Variants in ATP8A2 observed in about 807,000 individuals in gnomAD.
ATP8A2 encodes the protein phospholipid-transporting ATPase IB.
Under a neutral mutation model 165.6 loss-of-function variants are expected in ATP8A2, and 100 were observed. The ratio of observed to expected loss-of-function variants is 0.60; its 90% CI spans 0.51 to 0.71. ATP8A2 has a LOEUF of 0.71. ATP8A2 is among the 30% of genes least tolerant of loss of function. The pLI, the probability that ATP8A2 is intolerant of heterozygous loss-of-function variation, is 0.00. For missense variants in ATP8A2, 1,227 were observed against 1,479.5 expected, an observed-to-expected ratio of 0.83 and a Z score of 2.80; for synonymous variants, 543 against 548.8, an observed-to-expected ratio of 0.99 and a Z score of 0.15.
chr13:25,502,073 T>TAA (rs1386725312), intron 2 of ATP8A2, among the ~76,000 whole-genome samples: 1 of 152,254 alleles, frequency 6.6e-6, no homozygotes, highest in Non-Finnish European at 1.5e-5. Flanking sequence ...CTTCACTTCC[T>TAA]AACTCTGTTA....
At chr13:25,419,374 C>T (rs1350023287) in intron 1 of ATP8A2, among the ~76,000 whole-genome samples, 2 of 152,108 alleles carry the variant, frequency 1.3e-5, no homozygotes, top group Non-Finnish European at 2.9e-5. Context: ...GGCTGAGGCC[C>T]CCATCTGTTA....
intron 24 of ATP8A2, among the ~76,000 whole-genome samples, chr13:25,601,751 T>A (rs1232141241): frequency 2.0e-5 from 3 of 152,352 alleles, no homozygotes; most frequent in Middle Eastern, 3.4e-3. Flanking sequence ...ATTACAGGCG[T>A]GAGCCACTGC....
intron 24 of ATP8A2, among the ~76,000 whole-genome samples, chr13:25,693,489 T>C (rs533268587): frequency 6.6e-6 from 1 of 152,170 alleles, no homozygotes; most frequent in East Asian, 1.9e-4. Context: ...AGGAAGAGGA[T>C]TTCAATCCCA....
chr13:25,430,168 TGGGCTCGG>T (rs1358131495), intron 1 of ATP8A2, among the ~76,000 whole-genome samples: 1 of 152,094 alleles, frequency 6.6e-6, no homozygotes, highest in Non-Finnish European at 1.5e-5. Flanking sequence ...GCTATAAATG[TGGGCTCGG>T]GTCCATGAGA....
rs2039083697 is a variant in ATP8A2 at position 25,559,680 on chromosome 13, TCA to T, written c.1353-38_1353-37del. On this transcript the variant is annotated intron_variant, in intron 14 of 36. Transcript: ENST00000381655. ...TTTGATCAGAATGTCTGTCTTTTGA[TCA>T]CAGTTTTGTGACCACTCTGTTTTCC... The T allele has an allele frequency of 3.3e-6, 5 of 1,532,724 alleles. No homozygotes were observed. The East Asian group carries it at 9.0e-5, about 28-fold the overall frequency. 94.9% of individuals were successfully genotyped at this position (1,532,724 alleles called of 1,614,324 possible). A position where few individuals can be genotyped will look rare whatever the true frequency, so the allele number is the denominator to read the frequency against.
At chr13:25,967,666 C>T (rs1173224675) in intron 34 of ATP8A2, among the ~76,000 whole-genome samples, 1 of 152,000 alleles carries the variant, frequency 6.6e-6, no homozygotes, top group Non-Finnish European at 1.5e-5. Context: ...GAGCCTTTTC[C>T]CTTTGCAGTT....
intron 24 of ATP8A2, among the ~76,000 whole-genome samples, chr13:25,603,761 G>T (rs1186760173): frequency 6.6e-6 from 1 of 152,136 alleles, no homozygotes; most frequent in Non-Finnish European, 1.5e-5. Context: ...CTGAGCAATT[G>T]GAAGGATCAG....
At chr13:25,648,842 T>A (rs1032630565) in intron 24 of ATP8A2, among the ~76,000 whole-genome samples, 17 of 152,204 alleles carry the variant, frequency 1.1e-4, no homozygotes, top group African/African-American at 4.1e-4. Context: ...TTGTGGGTTT[T>A]GTATTGTTTC....
chr13:25,399,543 A>C (rs9319218), intron 1 of ATP8A2, among the ~76,000 whole-genome samples: 86,110 of 92,450 alleles, frequency 0.93, 40,684 homozygotes, highest in East Asian at 1. Flanking sequence ...GGACTACAGG[A>C]GCCCGCCACC....
rs1957119913 is a variant in ATP8A2, at chr13:26,023,826, G to A, written c.*3841G>A. 1 of 152,184 alleles carries A rather than the reference G, an allele frequency of 6.6e-6. No individual in the cohort carries two copies. Among genetic ancestry groups the A allele is most frequent in the Admixed American group, 6.5e-5 (1 of 15,288 alleles). 9.4% of individuals were successfully genotyped at this position (152,184 alleles called of 1,614,324 possible). On this transcript the variant is annotated 3_prime_UTR_variant, in exon 37 of 37. Transcript: ENST00000381655. Reference sequence around the variant, plus strand: ...TCATCGTCTCAAAGTAATTCAAGGAGTGATTTAACATCAGCATTTGAAATG... The same window carrying A: ...TCATCGTCTCAAAGTAATTCAAGGAATGATTTAACATCAGCATTTGAAATG...
At chr13:25,386,642 T>C (rs111498275) in intron 1 of ATP8A2, among the ~76,000 whole-genome samples, 1,988 of 152,202 alleles carry the variant, frequency 0.013, 42 homozygotes, top group African/African-American at 0.045. Context: ...GAACACATCT[T>C]CTGGGGACCT....
intron 33 of ATP8A2, among the ~76,000 whole-genome samples, chr13:25,931,104 C>A (rs1417110049): frequency 6.6e-6 from 1 of 152,160 alleles, no homozygotes; most frequent in Non-Finnish European, 1.5e-5. Context: ...TGAAGTGCCC[C>A]CAGATCAGAA....
At chr13:25,866,846 A>T (rs150726403) in intron 33 of ATP8A2, among the ~76,000 whole-genome samples, 1 of 152,228 alleles carries the variant, frequency 6.6e-6, no homozygotes, top group African/African-American at 2.4e-5. Context: ...AAGATGGTAC[A>T]CTGAAGATAC....
intron 33 of ATP8A2, among the ~76,000 whole-genome samples, chr13:25,880,379 A>G (rs1952945340): frequency 8.0e-6 from 1 of 125,376 alleles, no homozygotes. Flanking sequence ...AGGAACAACA[A>G]AAAAAAAAAA....
At chr13:25,651,813 A>G (rs1215876702) in intron 24 of ATP8A2, among the ~76,000 whole-genome samples, 3 of 152,070 alleles carry the variant, frequency 2.0e-5, no homozygotes, top group African/African-American at 4.8e-5. Flanking sequence ...TAAGGTATTC[A>G]TTATTTAACT....
chr13:25,718,273 G>A (rs1413732060), intron 25 of ATP8A2, among the ~76,000 whole-genome samples: 2 of 152,116 alleles, frequency 1.3e-5, no homozygotes, highest in Non-Finnish European at 2.9e-5. Context: ...TCCTTGAATT[G>A]GAGGAAGCCT....
intron 35 of ATP8A2, among the ~76,000 whole-genome samples, chr13:25,985,142 G>A (rs889131262): frequency 1.3e-5 from 2 of 152,172 alleles, no homozygotes; most frequent in Admixed American, 6.5e-5. Flanking sequence ...CGGAGAACGT[G>A]GTTTGTCATA....
intron 33 of ATP8A2, among the ~76,000 whole-genome samples, chr13:25,864,859 C>A (rs1284705103): frequency 1.3e-5 from 2 of 150,318 alleles, no homozygotes; most frequent in Non-Finnish European, 3.0e-5. Flanking sequence ...TCCTCCAGGG[C>A]AGGGGGCTCC....
At chr13:25,592,881 T>G (rs920601665) in intron 24 of ATP8A2, among the ~76,000 whole-genome samples, 27 of 152,242 alleles carry the variant, frequency 1.8e-4, no homozygotes, top group Admixed American at 2.0e-4. Flanking sequence ...CTAAGAATGA[T>G]TCTTTCTTAA....
Sources: gnomAD v4.1 joint callset for allele counts (sites outside exome capture counted in the v4.1 genomes callset) on GRCh38, gnomAD v4.1.1 for gene constraint, MANE v1.5 for transcripts, NCBI Gene and HGNC (gene_info 2026-07-23, HGNC 2026-07-21) for gene names.